The following FICD variants were observed in gnomAD, a reference collection of about 807,000 sequenced individuals.
FICD encodes the protein FIC domain protein adenylyltransferase.
In FICD, 13 loss-of-function variants were observed where a neutral mutation model predicts 28.0. The ratio of observed to expected loss-of-function variants is 0.46; its 90% CI spans 0.30 to 0.74. FICD has a LOEUF of 0.74. Ranked by LOEUF, FICD falls within the 30% of genes least tolerant of loss-of-function variation. The pLI is 0.07. For missense variants in FICD, 576 were observed against 624.5 expected (o/e 0.92, Z 0.83); for synonymous variants, 268 against 266.4 (o/e 1.01, Z -0.06).
rs142921890 is a variant in FICD at position 108,516,036 on chromosome 12, C to T, written c.-59+675C>T. ...GAGGCAATGCGTGGCCAGTACACTGCTCAGCACCTAGGACACCATAGTTGC... is the reference window on the plus strand; with the variant it reads ...GAGGCAATGCGTGGCCAGTACACTGTTCAGCACCTAGGACACCATAGTTGC... On this transcript the variant is annotated intron_variant, in intron 1 of 2. Transcript: ENST00000552695. Among the ~76,000 whole-genome samples the T allele has an allele frequency of 2.4e-4, 37 of 152,336 alleles. No individual in the cohort carries two copies. The East Asian group carries it at 7.1e-3, about 29-fold the overall frequency.
chr12:108,516,943 C>T lies in FICD; in HGVS notation c.-30C>T. 2 of 1,445,306 alleles carry T rather than the reference C, an allele frequency of 1.4e-6. No homozygotes were observed. The highest frequency in any genetic ancestry group is 1.8e-6 in the Non-Finnish European group (2 of 1,088,762). The allele number at this position is 1,445,306 out of a possible 1,614,324, so 89.5% of individuals were successfully genotyped here. On this transcript the variant is annotated 5_prime_UTR_variant, in exon 2 of 3. Transcript: ENST00000552695. ...CTGCTCTCTCTCAGCCGCCTGTGGA[C>T]ATGCGCAAAGGGCCCTCTCCTGAGT...
At chr12:108,515,938 G>A (rs1871899385) in intron 1 of FICD, among the ~76,000 whole-genome samples, 1 of 152,232 alleles carries the variant, frequency 6.6e-6, no homozygotes, top group African/African-American at 2.4e-5. Flanking sequence ...TGCTCTCTGT[G>A]TCTTGGTTTC....
chr12:108,516,584 C>G lies in FICD; in HGVS notation c.-58-331C>G, dbSNP rs1430084119. Among the ~76,000 whole-genome samples the G allele has an allele frequency of 2.0e-5, 3 of 152,224 alleles. No individual in the cohort carries two copies. In the East Asian group the frequency reaches 5.8e-4, roughly 29 times the overall value. ...CCTCTCTGAACCTCAGTTCCCTCAC[C>G]TGGAGAAGGGTGAAAACATCAGCTC... On this transcript the variant is annotated intron_variant, in intron 1 of 2. Transcript: ENST00000552695.
intron 1 of FICD, among the ~76,000 whole-genome samples, chr12:108,515,619 G>T (rs1209166282): frequency 2.0e-5 from 3 of 151,912 alleles, no homozygotes; most frequent in African/African-American, 7.3e-5. Context: ...GTACCGCCCC[G>T]CCCAGGAGCC....
At position 108,518,847 on chromosome 12, in the gene FICD, G is replaced by A. The variant is rs776345995; in HGVS notation, c.749G>A (p.Arg250His). 12 of 1,614,022 alleles carry A rather than the reference G, an allele frequency of 7.4e-6. No individual in the cohort carries two copies. Among genetic ancestry groups the A allele is most frequent in the African/African-American group, 4.0e-5 (3 of 74,922 alleles). The change falls in exon 3 of 3, where the codon CGC becomes CAC. Residue 250 changes from arginine (R) to histidine (H), a missense_variant. Coordinates refer to ENST00000552695, the MANE Select transcript of FICD (RefSeq NM_007076.3). The surrounding 1 kb of genome is among the most constrained non-coding windows in gnomAD (Gnocchi z 4.4). The stretch of plus-strand genomic sequence containing the variant: ...GAAATCAGGCACATCCTGGAGACCC[G>A]CTACGCCGTGCCCGGGAAGAGCCTG... ...LSEIRHILETRYAVPGKSLEE... is the reference protein window; with the variant it reads ...LSEIRHILETHYAVPGKSLEE...
intron 2 of FICD, 134 bp downstream of exon 2, chr12:108,517,407 T>A (rs1473108890): frequency 1.5e-6 from 1 of 659,068 alleles, no homozygotes; most frequent in African/African-American, 1.9e-5. Context: ...GACAAGGTGA[T>A]GTGACTGAGA....
rs371481140 is a variant in FICD at position 108,519,136 on chromosome 12, G to A, written c.1038G>A (p.Leu346=). 7 of 1,614,126 alleles carry A rather than the reference G, an allele frequency of 4.3e-6. No individual in the cohort carries two copies. The highest frequency in any genetic ancestry group is 5.9e-6 in the Non-Finnish European group (7 of 1,180,044). Residue 346 remains leucine (L), a synonymous_variant, in exon 3 of 3, where the codon CTG becomes CTA. Coordinates refer to ENST00000552695, the MANE Select transcript of FICD (RefSeq NM_007076.3). The surrounding 1 kb of genome is among the most constrained non-coding windows in gnomAD (Gnocchi z 4.5). ...QWLNSEEAMN[L]HPVEFAALAH... is the part of the protein sequence containing the mutation. ...TCAACTCCGAGGAAGCCATGAACCTGCACCCAGTGGAGTTTGCAGCCTTAG... is the reference window on the plus strand; with the variant it reads ...TCAACTCCGAGGAAGCCATGAACCTACACCCAGTGGAGTTTGCAGCCTTAG...
chr12:108,518,755 G>T lies in FICD; in HGVS notation c.657G>T (p.Met219Ile). Residue 219 changes from methionine (M) to isoleucine (I), a missense_variant, in exon 3 of 3, where the codon ATG becomes ATT. Met to Ile is a conservative substitution (Grantham distance 10, BLOSUM62 1). Transcript: ENST00000552695. This position sits in a 1 kb window ranked among gnomAD's most constrained non-coding sequence, Gnocchi z 4.4. ...PKGNSALRRVMEETYYHHIYH... is the reference protein window; with the variant it reads ...PKGNSALRRVIEETYYHHIYH... ...GGAACTCAGCTCTGCGCAGGGTCAT[G>T]GAGGAGACCTACTACCATCACATCT... 1 of 1,614,208 alleles carries T rather than the reference G, an allele frequency of 6.2e-7. No individual in the cohort carries two copies. Among genetic ancestry groups the T allele is most frequent in the Non-Finnish European group, 8.5e-7 (1 of 1,180,038 alleles).
rs1413305687 is a variant in FICD at position 108,517,108 on chromosome 12, G to A, written c.136G>A (p.Ala46Thr). The change falls in exon 2 of 3, where the codon GCT becomes ACT. Residue 46 changes from alanine to threonine, a missense_variant. Coordinates refer to ENST00000552695, the MANE Select transcript of FICD (RefSeq NM_007076.3). Reference sequence around the variant, plus strand: ...GCTGGCCCTGCTGCTGCCGCTGGGGGCTGTGGAGGAGCAGTGCTTGGCTGT... The same window carrying A: ...GCTGGCCCTGCTGCTGCCGCTGGGGACTGTGGAGGAGCAGTGCTTGGCTGT... Reference protein sequence around the residue: ...SLLALLLPLGAVEEQCLAVLK... With the variant: ...SLLALLLPLGTVEEQCLAVLK... 1.9e-6 allele frequency: 3 copies of A among 1,610,222 alleles called. No homozygotes were observed. Among genetic ancestry groups the A allele is most frequent in the South Asian group, 1.1e-5 (1 of 90,444 alleles).
chr12:108,518,223 C>T lies in FICD; in HGVS notation c.302-177C>T, dbSNP rs376466850. The T allele has an allele frequency of 2.8e-6, 2 of 706,832 alleles. No homozygotes were observed. Among genetic ancestry groups the T allele is most frequent in the African/African-American group, 1.7e-5 (1 of 57,434 alleles). 43.8% of individuals were successfully genotyped at this position (706,832 alleles called of 1,614,324 possible). ...GCATACCACCACACGGCTGGGGCAA[C>T]AGAGTGGTACCGGGCATGTTGAGTA... On this transcript the variant is annotated intron_variant, in intron 2 of 2. Transcript: ENST00000552695. The surrounding 1 kb of genome is among the most constrained non-coding windows in gnomAD (Gnocchi z 4.4).
rs1236759118 is a variant in FICD at position 108,519,030 on chromosome 12, C to T, written c.932C>T (p.Thr311Ile). The change falls in exon 3 of 3, where the codon ACA becomes ATA. Residue 311 changes from threonine to isoleucine, a missense_variant. Transcript: ENST00000552695. This position sits in a 1 kb window ranked among gnomAD's most constrained non-coding sequence, Gnocchi z 4.5. ...CCCGTGGAAGCCGGCAGGTTTCGGA[C>T]AACACAGGTCCTGGTCGGACACCAC... ...VDPVEAGRFRTTQVLVGHHIP... is the reference protein window; with the variant it reads ...VDPVEAGRFRITQVLVGHHIP... The T allele has an allele frequency of 5.0e-6, 8 of 1,614,208 alleles. No homozygotes were observed. The Admixed American group carries it at 8.3e-5, about 17-fold the overall frequency.
rs897195630 is a variant in FICD, at chr12:108,520,092, T to TTG, written c.*618_*619insGT. The TTG allele has an allele frequency of 6.6e-5, 10 of 151,062 alleles. No individual in the cohort carries two copies. In the East Asian group the frequency reaches 1.4e-3, roughly 21 times the overall value. The allele number at this position is 151,062 out of a possible 1,614,324, so 9.4% of individuals were successfully genotyped here. A position where few individuals can be genotyped will look rare whatever the true frequency, so the allele number is the denominator to read the frequency against. On this transcript the variant is annotated 3_prime_UTR_variant, in exon 3 of 3. Transcript: ENST00000552695. ...AAACTTTAGTGCCAGCAGCTGTTTT[T>TTG]TTTTTTTTTTTTTTCATATTGAGAC...
At chr12:108,517,434 G>A (rs1453933783) in intron 2 of FICD, 161 bp downstream of exon 2, 1 of 542,964 alleles carries the variant, frequency 1.8e-6, no homozygotes, top group Non-Finnish European at 2.9e-6. Context: ...CACAAGTGTG[G>A]TGATGGGGAA....
In FICD at chr12:108,518,554, AGACAAG is replaced by A. The variant is rs1565852826; in HGVS notation, c.461_466del (p.Lys154_Asp155del). On this transcript the variant is annotated inframe_deletion, in exon 3 of 3. Coordinates refer to ENST00000552695, the MANE Select transcript of FICD (RefSeq NM_007076.3). The surrounding 1 kb of genome is among the most constrained non-coding windows in gnomAD (Gnocchi z 4.4). ...CCGAGTTTGGCATCTTCTCGGAAGA[AGACAAG>A]GACATCATCCAGGCGGACTACTTGT... The A allele has an allele frequency of 6.2e-7, 1 of 1,614,244 alleles. No individual in the cohort carries two copies.
In FICD at chr12:108,520,511, T is replaced by TA. The variant is rs1257481646; in HGVS notation, c.*1037dup. 7.9e-5 allele frequency: 12 copies of TA among 152,366 alleles called. No homozygotes were observed. In the East Asian group the frequency reaches 2.1e-3, roughly 27 times the overall value. 9.4% of individuals were successfully genotyped at this position (152,366 alleles called of 1,614,324 possible). Reference sequence around the variant, plus strand: ...CTTTGGTCCTGGAGTTTCATCTACTTACTGCCATCTTCCACGGTCTTTGCA... The same window carrying TA: ...CTTTGGTCCTGGAGTTTCATCTACTTAACTGCCATCTTCCACGGTCTTTGCA... On this transcript the variant is annotated 3_prime_UTR_variant, in exon 3 of 3. Transcript: ENST00000552695.
chr12:108,518,456 G>A lies in FICD; in HGVS notation c.358G>A (p.Gly120Ser). The stretch of plus-strand genomic sequence containing the variant: ...CCAGGCCCTGGAGATGAAGCGCCAG[G>A]GCAAGCGGGAAAAAGCCCAAAAGCT... ...LNQALEMKRQ[G>S]KREKAQKLFM... Residue 120 changes from glycine to serine, a missense_variant, in exon 3 of 3, where the codon GGC (glycine) becomes AGC (serine). Coordinates refer to ENST00000552695, the MANE Select transcript of FICD (RefSeq NM_007076.3). The surrounding 1 kb of genome is among the most constrained non-coding windows in gnomAD (Gnocchi z 4.4). 3.1e-6 allele frequency: 5 copies of A among 1,614,134 alleles called. No individual in the cohort carries two copies. Among genetic ancestry groups the A allele is most frequent in the Non-Finnish European group, 3.4e-6 (4 of 1,180,038 alleles).
Position 108,517,205 on chromosome 12 carries a change from C to T in FICD, c.233C>T (p.Pro78Leu), listed in dbSNP as rs757784877. The change falls in exon 2 of 3, where the codon CCG (proline) becomes CTG (leucine). Residue 78 changes from proline to leucine, a missense_variant. Coordinates refer to ENST00000552695, the MANE Select transcript of FICD (RefSeq NM_007076.3). ...AQHAATKCTS[P>L]STELSITSRG... ...CATGCCGCCACCAAGTGCACCAGCC[C>T]GTCCACGGAGCTCAGCATCACCTCC... 33 of 1,585,280 alleles carry T rather than the reference C, an allele frequency of 2.1e-5. No individual in the cohort carries two copies. The highest frequency in any genetic ancestry group is 2.7e-5 in the Non-Finnish European group (31 of 1,165,240).
intron 2 of FICD, 115 bp downstream of exon 2, chr12:108,517,388 C>A: frequency 1.2e-6 from 1 of 809,440 alleles, no homozygotes; most frequent in Non-Finnish European, 1.8e-6. Context: ...GCCCTGAGCT[C>A]CTAGTATAGA....
chr12:108,519,268 C>T lies in FICD; in HGVS notation c.1170C>T (p.Thr390=), dbSNP rs1872024865. 1.2e-6 allele frequency: 2 copies of T among 1,614,152 alleles called. No individual in the cohort carries two copies. The highest frequency in any genetic ancestry group is 1.7e-6 in the Non-Finnish European group (2 of 1,180,054). The change falls in exon 3 of 3, where the codon ACC becomes ACT. Residue 390 remains threonine, a synonymous_variant. Transcript: ENST00000552695. This position sits in a 1 kb window ranked among gnomAD's most constrained non-coding sequence, Gnocchi z 4.5. ...TGCAGGCGGGCTACCCGCCCATCAC[C>T]ATCCGCAAGGAGCAGCGGTCCGACT... ...ILMQAGYPPI[T]IRKEQRSDYY...
Sources: gnomAD v4.1 joint callset for allele counts (sites outside exome capture counted in the v4.1 genomes callset) on GRCh38, gnomAD v4.1.1 for gene constraint, Gnocchi (gnomAD v3.1) non-coding constraint, MANE v1.5 for transcripts, NCBI Gene and HGNC (gene_info 2026-07-23, HGNC 2026-07-21) for gene names.